The following OPCML variants were observed in gnomAD, a reference collection of about 807,000 sequenced individuals.
OPCML encodes the protein opioid binding protein/cell adhesion molecule like, also known as opioid-binding protein/cell adhesion molecule.
In OPCML, 13 loss-of-function variants were observed where a neutral mutation model predicts 37.8. That is an observed-to-expected ratio of 0.34 (90% confidence interval 0.22 to 0.55). The LOEUF is 0.55. Ranked by LOEUF, OPCML falls within the 20% of genes least tolerant of loss-of-function variation. The pLI, the probability that OPCML is intolerant of heterozygous loss-of-function variation, is 0.91. For synonymous variants in OPCML, 176 were observed against 168.8 expected (o/e 1.04, Z -0.33); for missense variants, 341 against 435.6 (o/e 0.78, Z 1.93).
intron 2 of OPCML, chr11:132,771,851 T>G (rs10894604): frequency 0.25 from 38,770 of 152,188 alleles, 5,624 homozygotes; most frequent in Non-Finnish European, 0.34. Flanking sequence ...AGAAAAAAAG[T>G]GTTACATCTC....
At chr11:132,481,589 T>G (rs988880088) in intron 4 of OPCML, among the ~76,000 whole-genome samples, 1 of 150,908 alleles carries the variant, frequency 6.6e-6, no homozygotes, top group South Asian at 2.1e-4. Flanking sequence ...TCTACAGAAC[T>G]CTCCACCCCA....
chr11:132,746,149 T>G (rs1053934005), intron 2 of OPCML, among the ~76,000 whole-genome samples: 2 of 151,750 alleles, frequency 1.3e-5, no homozygotes, highest in African/African-American at 4.8e-5. Context: ...AATCCCAAAT[T>G]TCCTGGCTCC....
intron 3 of OPCML, among the ~76,000 whole-genome samples, chr11:132,643,689 G>T (rs1424790119): frequency 3.9e-5 from 6 of 151,990 alleles, no homozygotes; most frequent in Admixed American, 2.6e-4. Flanking sequence ...AATCTCCCAG[G>T]CAGGAGCCCC....
intron 1 of OPCML, among the ~76,000 whole-genome samples, chr11:133,190,422 CCTCT>C (rs1441875117): frequency 6.6e-6 from 1 of 152,160 alleles, no homozygotes; most frequent in African/African-American, 2.4e-5. Flanking sequence ...TCCCTCCCTC[CCTCT>C]CTCTTTCTCT....
In OPCML at chr11:132,437,262, G is replaced by A. The variant is rs1177291969; in HGVS notation, c.603C>T (p.Val201=). The A allele has an allele frequency of 8.7e-6, 14 of 1,614,052 alleles. No individual in the cohort carries two copies. Among genetic ancestry groups the A allele is most frequent in the Non-Finnish European group, 6.8e-6 (8 of 1,180,030 alleles). The change falls in exon 5 of 8, where the codon GTC becomes GTT. Residue 201 remains valine (V), a synonymous_variant. Coordinates refer to ENST00000524381, the MANE Select transcript of OPCML (RefSeq NM_001012393.5). ...TTACTTTCCGCACATCGGGCGCAGC[G>A]ACATCGTTCAACGCGCTGCATTCGT... The part of the protein sequence containing the change: ...GEYECSALND[V]AAPDVRKVKI...
At chr11:133,498,957 A>G (rs1411964770) in intron 1 of OPCML, among the ~76,000 whole-genome samples, 1 of 152,214 alleles carries the variant, frequency 6.6e-6, no homozygotes, top group Non-Finnish European at 1.5e-5. Flanking sequence ...TTACCACTGT[A>G]CAGATGACTA....
chr11:132,771,094 A>G (rs904770507), intron 2 of OPCML, among the ~76,000 whole-genome samples: 2 of 152,108 alleles, frequency 1.3e-5, no homozygotes, highest in Admixed American at 1.3e-4. Flanking sequence ...AGAGCAACCA[A>G]CTTTAACCTT....
chr11:132,929,767 T>C (rs942420945), intron 2 of OPCML, among the ~76,000 whole-genome samples: 16 of 152,138 alleles, frequency 1.1e-4, no homozygotes, highest in Admixed American at 3.9e-4. Context: ...TCAATGAATA[T>C]ACCACATTAA....
At chr11:133,204,426 T>A (rs530978980) in intron 1 of OPCML, among the ~76,000 whole-genome samples, 1 of 152,258 alleles carries the variant, frequency 6.6e-6, no homozygotes, top group Admixed American at 6.5e-5. Context: ...ATCCATCAGG[T>A]CTTCATAAAG....
At chr11:133,251,431 G>A (rs981438725) in intron 1 of OPCML, among the ~76,000 whole-genome samples, 8 of 151,842 alleles carry the variant, frequency 5.3e-5, no homozygotes, top group African/African-American at 7.3e-5. Flanking sequence ...AAAAACAATC[G>A]CAGGTTCTCT....
intron 1 of OPCML, among the ~76,000 whole-genome samples, chr11:133,465,114 A>C (rs983779750): frequency 2.0e-5 from 3 of 152,194 alleles, no homozygotes; most frequent in Non-Finnish European, 4.4e-5. Context: ...TTACAATCAA[A>C]GTGTCAGCAG....
At chr11:132,577,340 G>T (rs1325503635) in intron 3 of OPCML, among the ~76,000 whole-genome samples, 3 of 151,674 alleles carry the variant, frequency 2.0e-5, no homozygotes, top group African/African-American at 7.3e-5. Context: ...GGAAATTAAA[G>T]GATTTTTTAA....
intron 3 of OPCML, among the ~76,000 whole-genome samples, chr11:132,574,254 T>TG (rs1233837792): frequency 1.3e-5 from 2 of 150,850 alleles, no homozygotes; most frequent in Admixed American, 1.3e-4. Flanking sequence ...GTTTTTTTTT[T>TG]TTTGGTTTTT....
chr11:132,520,146 G>A (rs973525486), intron 4 of OPCML, among the ~76,000 whole-genome samples: 4 of 152,182 alleles, frequency 2.6e-5, no homozygotes, highest in African/African-American at 9.7e-5. Context: ...GCAAGAGTAT[G>A]GGTGATGTTC....
rs71038527 is a variant in OPCML at position 133,410,634 on chromosome 11, T to TAAAA, written c.61+121626_61+121629dup. On this transcript the variant is annotated intron_variant, in intron 1 of 7. Coordinates refer to ENST00000524381, the MANE Select transcript of OPCML (RefSeq NM_001012393.5). The stretch of plus-strand genomic sequence containing the variant: ...TGAAAGCACACGTTAAGAAAAAAAG[T>TAAAA]AAAAAAAAAAAAAAAAAAAAAAAAA... Among the ~76,000 whole-genome samples the TAAAA allele has an allele frequency of 1.1e-4, 5 of 47,012 alleles. 1 individual carries two copies. The highest frequency in any genetic ancestry group is 8.7e-4 in the East Asian group (1 of 1,152). The allele number at this position is 47,012 out of a possible 152,430, so 30.8% of individuals were successfully genotyped here. A position where few individuals can be genotyped will look rare whatever the true frequency, so the allele number is the denominator to read the frequency against.
chr11:133,194,581 T>C (rs1408544114), intron 1 of OPCML, among the ~76,000 whole-genome samples: 1 of 152,202 alleles, frequency 6.6e-6, no homozygotes, highest in Non-Finnish European at 1.5e-5. Flanking sequence ...GAAGTTAGAA[T>C]GAGTTATAAT....
chr11:132,477,238 G>C lies in OPCML; in HGVS notation c.506-39879C>G, dbSNP rs190866184. Among the ~76,000 whole-genome samples the C allele has an allele frequency of 5.1e-4, 78 of 152,274 alleles. 1 individual carries two copies. The highest frequency in any genetic ancestry group is 1.3e-4 in the Non-Finnish European group (9 of 68,020). ...CCATACACCCATCTCAAGCTCCCTG[G>C]CCCACAACACATTCCTGGCTGCACA... On this transcript the variant is annotated intron_variant, in intron 4 of 7. Coordinates refer to ENST00000524381, the MANE Select transcript of OPCML (RefSeq NM_001012393.5).
intron 1 of OPCML, among the ~76,000 whole-genome samples, chr11:133,009,734 GT>G (rs1947180545): frequency 6.6e-6 from 1 of 152,168 alleles, no homozygotes; most frequent in African/African-American, 2.4e-5. Context: ...TCACAGCAGG[GT>G]TTGTGCTCCT....
At chr11:132,983,540 T>TGTC (rs1946632161) in intron 1 of OPCML, among the ~76,000 whole-genome samples, 1 of 152,150 alleles carries the variant, frequency 6.6e-6, no homozygotes, top group Admixed American at 6.5e-5. Flanking sequence ...CTTTGTGCAC[T>TGTC]GTCTATGGTC....
Sources: gnomAD v4.1 joint callset for allele counts (sites outside exome capture counted in the v4.1 genomes callset) on GRCh38, gnomAD v4.1.1 for gene constraint, MANE v1.5 for transcripts, NCBI Gene and HGNC (gene_info 2026-07-23, HGNC 2026-07-21) for gene names.